CD200R1: variants seen among roughly 807,000 people sequenced by gnomAD.
CD200R1 encodes CD200 receptor 1.
CD200R1 carries 30 observed loss-of-function variants against 38.1 expected under a neutral mutation model. The observed-to-expected ratio is 0.79, with a 90% CI of 0.59 to 1.07. The LOEUF is 1.07. CD200R1 is among the 50% of genes least tolerant of loss of function. CD200R1 has a pLI of 0.00. For synonymous variants in CD200R1, 128 were observed against 152.1 expected (o/e 0.84, Z 1.16); for missense variants, 372 against 415.4 (o/e 0.90, Z 0.91).
chr3:112,963,383 G>A (rs1249020207), intron 1 of CD200R1, among the ~76,000 whole-genome samples: 1 of 152,216 alleles, frequency 6.6e-6, no homozygotes, highest in Non-Finnish European at 1.5e-5. Flanking sequence ...GAGACTTGTT[G>A]AATGGCTTTG....
intron 3 of CD200R1, 79 bp downstream of exon 3, chr3:112,931,027 T>C: frequency 9.8e-7 from 1 of 1,018,180 alleles, no homozygotes; most frequent in East Asian, 2.4e-5. Flanking sequence ...TGGCTTCCAG[T>C]CAGGTCATTA....
chr3:112,974,112 A>G (rs534053207), intron 1 of CD200R1, among the ~76,000 whole-genome samples: 1 of 152,090 alleles, frequency 6.6e-6, no homozygotes, highest in South Asian at 2.1e-4. Flanking sequence ...GACCTAAATG[A>G]GTTAGCGTTC....
At chr3:112,942,201 T>C (rs552638706) in intron 2 of CD200R1, among the ~76,000 whole-genome samples, 5 of 151,846 alleles carry the variant, frequency 3.3e-5, no homozygotes, top group South Asian at 4.1e-4. Context: ...ATTTTTCTTA[T>C]TCTTAATTAA....
chr3:112,958,491 C>A (rs1932920420), intron 1 of CD200R1, among the ~76,000 whole-genome samples: 1 of 152,056 alleles, frequency 6.6e-6, no homozygotes, highest in Admixed American at 6.6e-5. Flanking sequence ...AAGGGATGGA[C>A]TAAAGATACA....
intron 2 of CD200R1, among the ~76,000 whole-genome samples, chr3:112,935,877 C>T (rs1247038823): frequency 1.3e-5 from 2 of 152,160 alleles, no homozygotes; most frequent in African/African-American, 2.4e-5. Flanking sequence ...TGATTTGCTG[C>T]ACAGATCATT....
intron 1 of CD200R1, among the ~76,000 whole-genome samples, chr3:112,961,073 G>A (rs928827062): frequency 1.3e-5 from 2 of 151,834 alleles, no homozygotes; most frequent in African/African-American, 2.4e-5. Flanking sequence ...AAAGGCGGGC[G>A]GTGAAAACTC....
At chr3:112,932,780 C>T (rs1041300540) in intron 2 of CD200R1, among the ~76,000 whole-genome samples, 22 of 151,922 alleles carry the variant, frequency 1.4e-4, no homozygotes, top group African/African-American at 5.1e-4. Context: ...AGTGGACATC[C>T]CCCCCAGGCC....
Position 112,928,946 on chromosome 3 carries a change from T to G in CD200R1, c.639A>C (p.Gln213His). Reference sequence around the variant, plus strand: ...TCACTGTGCCATTGCTCCAGTATTCTTGCTTAGTGGCACAATCGCCCTCTG... The same window carrying G: ...TCACTGTGCCATTGCTCCAGTATTCGTGCTTAGTGGCACAATCGCCCTCTG... ...WIPEGDCATK[Q>H]EYWSNGTVTV... The change falls in exon 5 of 8, where the codon CAA (glutamine) becomes CAC (histidine). Residue 213 changes from glutamine (Q) to histidine (H), a missense_variant. Gln to His is a conservative substitution (Grantham distance 24). Coordinates refer to ENST00000308611, the MANE Select transcript of CD200R1 (RefSeq NM_138806.4). The G allele has an allele frequency of 6.2e-7, 1 of 1,614,078 alleles. No individual in the cohort carries two copies. Among genetic ancestry groups the G allele is most frequent in the Non-Finnish European group, 8.5e-7 (1 of 1,179,976 alleles).
At chr3:112,960,792 G>A (rs1336537732) in intron 1 of CD200R1, among the ~76,000 whole-genome samples, 3 of 151,894 alleles carry the variant, frequency 2.0e-5, no homozygotes, top group African/African-American at 7.2e-5. Context: ...ACTGACATAA[G>A]TATTCACAGT....
intron 1 of CD200R1, among the ~76,000 whole-genome samples, chr3:112,965,011 CT>C: frequency 6.6e-6 from 1 of 152,132 alleles, no homozygotes; most frequent in African/African-American, 2.4e-5. Flanking sequence ...TGCCTTTCAC[CT>C]TCTACCATTA....
Position 112,929,207 on chromosome 3 carries a change from T to C in CD200R1, c.503A>G (p.Tyr168Cys). The change falls in exon 4 of 8, where the codon TAT becomes TGT. Residue 168 changes from tyrosine (Y) to cysteine (C), a missense_variant. Tyr to Cys is a radical substitution (Grantham distance 194). Transcript: ENST00000308611. ...VTPDGNFHRG[Y>C]HLQVLVTPEV... ...CTCCTTACCTAACACTTGGAGGTGA[T>C]ATCCACGATGGAAATTCCCATCAGG... is the stretch of plus-strand genomic sequence containing the variant. 1.9e-6 allele frequency: 3 copies of C among 1,614,226 alleles called. 1 individual carries two copies. In the South Asian group the frequency reaches 3.3e-5, roughly 18 times the overall value.
At chr3:112,930,309 T>A (rs1419332184) in intron 3 of CD200R1, among the ~76,000 whole-genome samples, 1 of 152,220 alleles carries the variant, frequency 6.6e-6, no homozygotes, top group Non-Finnish European at 1.5e-5. Flanking sequence ...ATTTATGACA[T>A]TATCAAATGT....
At chr3:112,939,451 G>C (rs147485226) in intron 2 of CD200R1, among the ~76,000 whole-genome samples, 2,694 of 151,776 alleles carry the variant, frequency 0.018, 29 homozygotes, top group South Asian at 0.048. Context: ...AAAATCAATA[G>C]ACAAAACTTA....
At chr3:112,956,490 G>C (rs1004165711) in intron 1 of CD200R1, among the ~76,000 whole-genome samples, 1 of 151,984 alleles carries the variant, frequency 6.6e-6, no homozygotes. Context: ...TGAGCTCTCT[G>C]TCAGGCTATT....
At chr3:112,964,194 G>T (rs1313390071) in intron 1 of CD200R1, among the ~76,000 whole-genome samples, 2 of 152,208 alleles carry the variant, frequency 1.3e-5, no homozygotes, top group Non-Finnish European at 2.9e-5. Context: ...GGGCAGTATG[G>T]AATGGAAATG....
chr3:112,930,194 T>C (rs1940394612), intron 3 of CD200R1, among the ~76,000 whole-genome samples: 2 of 152,036 alleles, frequency 1.3e-5, no homozygotes, highest in African/African-American at 4.8e-5. Context: ...TGATAAGAGA[T>C]GCTTAGAAAT....
rs1170379781 is a variant in CD200R1, at chr3:112,925,127, G to T, written c.836C>A (p.Thr279Asn). The T allele has an allele frequency of 1.2e-6, 2 of 1,608,184 alleles. No homozygotes were observed. The highest frequency in any genetic ancestry group is 1.7e-5 in the Admixed American group (1 of 59,670). The stretch of plus-strand genomic sequence containing the variant: ...CAACAACCAAATGAATCCCACGATG[G>T]TCAAAATAATAATAGTAAGGATGAT... ...PYIILTIIIL[T>N]IVGFIWLLKV... is the part of the protein sequence containing the mutation. Residue 279 changes from threonine (T) to asparagine (N), a missense_variant, in exon 6 of 8, where the codon ACC becomes AAC. Thr to Asn is a moderately conservative substitution (Grantham distance 65). Transcript: ENST00000308611.
At chr3:112,931,529 G>C (rs577116357) in intron 2 of CD200R1, among the ~76,000 whole-genome samples, 103 of 152,226 alleles carry the variant, frequency 6.8e-4, no homozygotes, top group African/African-American at 2.4e-3. Context: ...CCTTTCTTCA[G>C]CTACCACTTC....
chr3:112,925,323 C>G, intron 5 of CD200R1, 130 bp from the exon 6 acceptor site: 1 of 564,192 alleles, frequency 1.8e-6, no homozygotes, highest in South Asian at 2.4e-5. Flanking sequence ...ATGTATGTTA[C>G]TAAGTGAAAC....
Sources: gnomAD v4.1 joint callset for allele counts (sites outside exome capture counted in the v4.1 genomes callset) on GRCh38, gnomAD v4.1.1 for gene constraint, MANE v1.5 for transcripts, NCBI Gene and HGNC (gene_info 2026-07-23, HGNC 2026-07-21) for gene names.